The following CDH2 variants were observed in gnomAD, a reference collection of about 807,000 sequenced individuals.
The protein encoded by CDH2 is cadherin 2, also known as cadherin-2.
In CDH2, 17 loss-of-function variants were observed where a neutral mutation model predicts 92.0. The observed-to-expected ratio is 0.18, with a 90% confidence interval of 0.13 to 0.28. The LOEUF (loss-of-function observed/expected upper bound fraction) is 0.28. Ranked by LOEUF, CDH2 falls within the 10% of genes least tolerant of loss-of-function variation. The probability of loss-of-function intolerance (pLI) is 1.00; values close to 1 mark genes in which losing one functional copy is unlikely to be tolerated. For missense variants in CDH2, 862 were observed against 1,133.1 expected (o/e 0.76, Z 3.44); for synonymous variants, 419 against 415.9 (o/e 1.01, Z -0.09).
chr18:28,151,101 T>A (rs915719605), intron 1 of CDH2, among the ~76,000 whole-genome samples: 1 of 152,218 alleles, frequency 6.6e-6, no homozygotes, highest in Non-Finnish European at 1.5e-5. Flanking sequence ...ATACCAGGTA[T>A]GAGACTGCAG....
intron 2 of CDH2, among the ~76,000 whole-genome samples, chr18:28,125,786 A>G: frequency 6.6e-6 from 1 of 152,142 alleles, no homozygotes; most frequent in East Asian, 1.9e-4. Flanking sequence ...AAGAAACTGA[A>G]GGGGTTAATC....
intron 14 of CDH2, among the ~76,000 whole-genome samples, chr18:27,972,776 G>GA (rs1486121177): frequency 6.6e-6 from 1 of 152,148 alleles, no homozygotes; most frequent in Non-Finnish European, 1.5e-5. Context: ...TAAAAAATAA[G>GA]TATGACAAGT....
intron 2 of CDH2, among the ~76,000 whole-genome samples, chr18:28,112,750 A>G (rs2015433400): frequency 6.6e-6 from 1 of 152,164 alleles, no homozygotes; most frequent in African/African-American, 2.4e-5. Flanking sequence ...CCCTGCCCAC[A>G]TTCAGAGTAG....
At chr18:28,125,877 T>C (rs2144281639) in intron 2 of CDH2, among the ~76,000 whole-genome samples, 1 of 152,278 alleles carries the variant, frequency 6.6e-6, no homozygotes, top group South Asian at 2.1e-4. Context: ...TATTTTAGGG[T>C]GTAGAAAATA....
chr18:27,984,246 C>T (rs2012152674), intron 13 of CDH2, among the ~76,000 whole-genome samples: 1 of 152,154 alleles, frequency 6.6e-6, no homozygotes, highest in African/African-American at 2.4e-5. Context: ...GTGATTGGTG[C>T]ATAGCATGAT....
intron 2 of CDH2, among the ~76,000 whole-genome samples, chr18:28,087,881 G>C (rs1197011394): frequency 1.3e-5 from 2 of 152,124 alleles, no homozygotes; most frequent in East Asian, 3.9e-4. Flanking sequence ...AGAAATTATA[G>C]CTGTATTATA....
intron 14 of CDH2, 22 bp from the exon 15 acceptor site, chr18:27,963,543 A>G: frequency 6.2e-7 from 1 of 1,610,040 alleles, no homozygotes; most frequent in Non-Finnish European, 8.5e-7. Context: ...CAAAATCAAA[A>G]ACCGATGGGA....
chr18:28,164,183 C>T (rs1481860681), intron 1 of CDH2, among the ~76,000 whole-genome samples: 1 of 152,038 alleles, frequency 6.6e-6, no homozygotes, highest in African/African-American at 2.4e-5. Context: ...GTTTTTCTGC[C>T]TAGATTCAAA....
intron 1 of CDH2, among the ~76,000 whole-genome samples, chr18:28,173,334 C>T (rs888605442): frequency 1.3e-5 from 2 of 152,108 alleles, no homozygotes; most frequent in Non-Finnish European, 2.9e-5. Flanking sequence ...TTAAGAAAAG[C>T]AAAGAAATAT....
chr18:28,052,846 A>G (rs990164468), intron 2 of CDH2, among the ~76,000 whole-genome samples: 1 of 152,176 alleles, frequency 6.6e-6, no homozygotes. Flanking sequence ...AATGGGCTGA[A>G]TGTGTCCCCT....
chr18:28,136,309 T>TGAAG (rs2144305896), intron 2 of CDH2, among the ~76,000 whole-genome samples: 1 of 151,914 alleles, frequency 6.6e-6, no homozygotes, highest in Non-Finnish European at 1.5e-5. Context: ...AGCAGTTTAA[T>TGAAG]GAAGGAAGGA....
chr18:27,994,696 C>G (rs1220117946), intron 7 of CDH2, among the ~76,000 whole-genome samples: 2 of 152,028 alleles, frequency 1.3e-5, no homozygotes, highest in African/African-American at 4.8e-5. Flanking sequence ...ATATAGCTAA[C>G]ATTATGAATG....
Position 28,108,666 on chromosome 18 carries a change from A to C in CDH2, c.172+39007T>G, listed in dbSNP as rs1194135739. On this transcript the variant is annotated intron_variant, in intron 2 of 15. Transcript: ENST00000269141. ...TGTAAATTTCAATTACAAAATTACA[A>C]ATTCAAGTTTATTCTGTGATACTAT... Among the ~76,000 whole-genome samples the C allele has an allele frequency of 3.3e-5, 5 of 152,204 alleles. No individual in the cohort carries two copies. The East Asian group carries it at 9.6e-4, about 29-fold the overall frequency.
Position 27,951,762 on chromosome 18 carries a change from C to T in CDH2, c.*391G>A, listed in dbSNP as rs1351705292. 1 of 163,414 alleles carries T rather than the reference C, an allele frequency of 6.1e-6. No homozygotes were observed. The highest frequency in any genetic ancestry group is 2.4e-5 in the African/African-American group (1 of 41,634). 10.1% of individuals were successfully genotyped at this position (163,414 alleles called of 1,614,324 possible). A position where few individuals can be genotyped will look rare whatever the true frequency, so the allele number is the denominator to read the frequency against. ...TTTTGTATTTTAATAAAAGCAAATG[C>T]AATGTAACAAAAGCGTGTTGAAGCA... On this transcript the variant is annotated 3_prime_UTR_variant, in exon 16 of 16. Coordinates refer to ENST00000269141, the MANE Select transcript of CDH2 (RefSeq NM_001792.5).
chr18:27,945,319 GAAGA>G (rs905818987), intron 6 of CDH2, among the ~76,000 whole-genome samples: 1 of 119,038 alleles, frequency 8.4e-6, no homozygotes, highest in Non-Finnish European at 1.6e-5. Flanking sequence ...TTCCAGGAAG[GAAGA>G]TTTTTTTTTT....
At chr18:28,149,605 A>G (rs2016089689) in intron 1 of CDH2, among the ~76,000 whole-genome samples, 1 of 152,204 alleles carries the variant, frequency 6.6e-6, no homozygotes, top group African/African-American at 2.4e-5. Context: ...TAAAATTTAA[A>G]CACAAAAGAT....
intron 2 of CDH2, among the ~76,000 whole-genome samples, chr18:28,101,410 A>G (rs2015224170): frequency 6.6e-6 from 1 of 152,108 alleles, no homozygotes; most frequent in South Asian, 2.1e-4. Flanking sequence ...ATCTGCCATA[A>G]TGAAGTTAGT....
At chr18:28,043,321 G>A (rs184365820) in intron 2 of CDH2, among the ~76,000 whole-genome samples, 6 of 151,444 alleles carry the variant, frequency 4.0e-5, no homozygotes, top group Admixed American at 4.0e-4. Flanking sequence ...TGGGAGGCGG[G>A]TGAAGGATAA....
chr18:28,040,621 G>A (rs1020672065), intron 2 of CDH2, among the ~76,000 whole-genome samples: 1 of 152,164 alleles, frequency 6.6e-6, no homozygotes, highest in South Asian at 2.1e-4. Flanking sequence ...GCAGAGAGCA[G>A]AGCAAACAAT....
Sources: gnomAD v4.1 joint callset for allele counts (sites outside exome capture counted in the v4.1 genomes callset) on GRCh38, gnomAD v4.1.1 for gene constraint, MANE v1.5 for transcripts, NCBI Gene and HGNC (gene_info 2026-07-23, HGNC 2026-07-21) for gene names.